Variants in ADGRL3 observed in about 807,000 individuals in gnomAD.
ADGRL3 encodes calcium-independent alpha-latrotoxin receptor 3.
Under a neutral mutation model 153.5 loss-of-function variants are expected in ADGRL3, and 62 were observed. That is an observed-to-expected ratio of 0.40 (90% CI 0.33 to 0.50). ADGRL3 has a LOEUF of 0.50. Ranked by LOEUF, ADGRL3 falls within the 20% of genes least tolerant of loss-of-function variation. The pLI is 0.47. For synonymous variants in ADGRL3, 710 were observed against 672.5 expected (o/e 1.06, Z -0.86); for missense variants, 1,641 against 1,859.4 (o/e 0.88, Z 2.16).
In ADGRL3 at chr4:62,077,259, A is replaced by G. The variant is rs1747441577; in HGVS notation, c.*6351A>G. 1 of 151,974 alleles carries G rather than the reference A, an allele frequency of 6.6e-6. No individual in the cohort carries two copies. The highest frequency in any genetic ancestry group is 2.1e-4 in the South Asian group (1 of 4,834). 9.4% of individuals were successfully genotyped at this position (151,974 alleles called of 1,614,324 possible). On this transcript the variant is annotated 3_prime_UTR_variant, in exon 27 of 27. Coordinates refer to ENST00000683033, the MANE Select transcript of ADGRL3 (RefSeq NM_001387552.1). ...ATTCAGATTGAATAATTTTTAAATG[A>G]TGATGCTCCACTCTTTGATCTACAG...
At chr4:61,289,673 T>G (rs894538045) in intron 1 of ADGRL3, among the ~76,000 whole-genome samples, 4 of 152,048 alleles carry the variant, frequency 2.6e-5, no homozygotes, top group Admixed American at 6.6e-5. Flanking sequence ...TGGATATTGA[T>G]GTACCAAGGA....
chr4:61,748,217 T>A (rs376298845), intron 8 of ADGRL3, among the ~76,000 whole-genome samples: 1 of 151,784 alleles, frequency 6.6e-6, no homozygotes, highest in Admixed American at 6.6e-5. Context: ...GAGAATACAA[T>A]CAAATGGAAG....
Position 62,074,982 on chromosome 4 carries a change from G to A in ADGRL3, c.*4074G>A, listed in dbSNP as rs1746693081. On this transcript the variant is annotated 3_prime_UTR_variant, in exon 27 of 27. Coordinates refer to ENST00000683033, the MANE Select transcript of ADGRL3 (RefSeq NM_001387552.1). ...ACACATGTTGAAATGTTATTGACTA[G>A]CTTGCTTTTTTTAAGGAATGACATT... is the stretch of plus-strand genomic sequence containing the variant. 6.6e-6 allele frequency: 1 copy of A among 152,030 alleles called. No homozygotes were observed. Among genetic ancestry groups the A allele is most frequent in the South Asian group, 2.1e-4 (1 of 4,824 alleles). The allele number at this position is 152,030 out of a possible 1,614,324, so 9.4% of individuals were successfully genotyped here.
rs187417766 is a variant in ADGRL3, at chr4:61,584,693, C to A, written c.260-2534C>A. Among the ~76,000 whole-genome samples, 108 of 151,900 alleles carry A rather than the reference C, an allele frequency of 7.1e-4. 1 individual carries two copies. Among genetic ancestry groups the A allele is most frequent in the East Asian group, 6.4e-3 (33 of 5,144 alleles). On this transcript the variant is annotated intron_variant, in intron 4 of 26. Coordinates refer to ENST00000683033, the MANE Select transcript of ADGRL3 (RefSeq NM_001387552.1). Reference sequence around the variant, plus strand: ...TAAAATGGTTATAAAAGTTAAGAAACAATTTGTCTCTTGATAAATGTATAA... The same window carrying A: ...TAAAATGGTTATAAAAGTTAAGAAAAAATTTGTCTCTTGATAAATGTATAA...
chr4:61,501,219 G>A (rs941729807), intron 3 of ADGRL3, among the ~76,000 whole-genome samples: 1 of 152,116 alleles, frequency 6.6e-6, no homozygotes, highest in Non-Finnish European at 1.5e-5. Context: ...ACTAAAGACA[G>A]GACAGTGAAC....
chr4:61,217,220 G>A (rs562461035), intron 1 of ADGRL3, among the ~76,000 whole-genome samples: 60 of 152,280 alleles, frequency 3.9e-4, no homozygotes, highest in African/African-American at 1.3e-3. Context: ...ATTGTGGTAA[G>A]TGCTACAGAA....
Position 61,571,473 on chromosome 4 carries a change from A to G in ADGRL3, c.260-15754A>G, listed in dbSNP as rs564818999. On this transcript the variant is annotated intron_variant, in intron 4 of 26. Coordinates refer to ENST00000683033, the MANE Select transcript of ADGRL3 (RefSeq NM_001387552.1). ...GGCTGCAGTGAGCTATGATTGCACC[A>G]TGGCACTCCAGCCTGGGTGACAGAG... Among the ~76,000 whole-genome samples the G allele has an allele frequency of 3.2e-4, 48 of 152,218 alleles. No individual in the cohort carries two copies. The South Asian group carries it at 9.5e-3, about 30-fold the overall frequency.
intron 1 of ADGRL3, among the ~76,000 whole-genome samples, chr4:61,362,388 A>T (rs956025424): frequency 6.6e-6 from 1 of 151,692 alleles, no homozygotes; most frequent in African/African-American, 2.4e-5. Flanking sequence ...AATGACTCAG[A>T]TGTTAGGAGC....
chr4:62,054,487 T>C (rs757976010), intron 25 of ADGRL3, among the ~76,000 whole-genome samples: 2 of 151,710 alleles, frequency 1.3e-5, no homozygotes, highest in Non-Finnish European at 3.0e-5. Context: ...CTAATGACAG[T>C]AGTTTTCTCA....
At chr4:61,955,106 G>T (rs956200629) in intron 17 of ADGRL3, among the ~76,000 whole-genome samples, 1 of 152,124 alleles carries the variant, frequency 6.6e-6, no homozygotes, top group Non-Finnish European at 1.5e-5. Flanking sequence ...GGGATAGTGG[G>T]TTAGCGTAGG....
At position 61,895,854 on chromosome 4, in the gene ADGRL3, A is replaced by C; in HGVS notation, c.1887+20A>C. 1 of 1,411,488 alleles carries C rather than the reference A, an allele frequency of 7.1e-7. No homozygotes were observed. 87.4% of individuals were successfully genotyped at this position (1,411,488 alleles called of 1,614,324 possible). A position where few individuals can be genotyped will look rare whatever the true frequency, so the allele number is the denominator to read the frequency against. On this transcript the variant is annotated intron_variant, in intron 11 of 26. Transcript: ENST00000683033. Reference sequence around the variant, plus strand: ...CAGAAGGTAAATCTTGTGACTGACAAGAAAGTCTTTGCTAAAACTATATCA... The same window carrying C: ...CAGAAGGTAAATCTTGTGACTGACACGAAAGTCTTTGCTAAAACTATATCA...
At chr4:61,849,450 T>G (rs1343850825) in intron 9 of ADGRL3, among the ~76,000 whole-genome samples, 2 of 152,106 alleles carry the variant, frequency 1.3e-5, no homozygotes, top group East Asian at 3.9e-4. Flanking sequence ...AATATGTGTT[T>G]TCTGCATTGT....
intron 8 of ADGRL3, among the ~76,000 whole-genome samples, chr4:61,754,789 G>A (rs746313262): frequency 1.1e-4 from 17 of 151,618 alleles, no homozygotes; most frequent in Non-Finnish European, 2.2e-4. Flanking sequence ...ACCAAAATAG[G>A]CCCAGGTGTG....
chr4:61,417,580 A>C (rs1327435729), intron 2 of ADGRL3, among the ~76,000 whole-genome samples: 1 of 150,904 alleles, frequency 6.6e-6, no homozygotes, highest in African/African-American at 2.4e-5. Context: ...GTTTCGAAAA[A>C]AAAAAAAGTC....
chr4:61,549,832 A>T (rs886217418), intron 4 of ADGRL3, among the ~76,000 whole-genome samples: 11 of 152,004 alleles, frequency 7.2e-5, no homozygotes, highest in African/African-American at 2.7e-4. Flanking sequence ...GAATCCGATG[A>T]TTAATAATGT....
At chr4:61,964,496 G>A (rs2098999016) in intron 17 of ADGRL3, among the ~76,000 whole-genome samples, 1 of 152,038 alleles carries the variant, frequency 6.6e-6, no homozygotes, top group Admixed American at 6.6e-5. Context: ...CTTGGGTTTA[G>A]AAGTGACAGA....
At chr4:61,928,813 A>G (rs1047728451) in intron 13 of ADGRL3, among the ~76,000 whole-genome samples, 1 of 152,102 alleles carries the variant, frequency 6.6e-6, no homozygotes, top group Non-Finnish European at 1.5e-5. Context: ...GCAAAAATTA[A>G]AGAAATAAAA....
At chr4:61,235,120 C>T (rs905931482) in intron 1 of ADGRL3, among the ~76,000 whole-genome samples, 2 of 152,078 alleles carry the variant, frequency 1.3e-5, no homozygotes, top group African/African-American at 2.4e-5. Context: ...GAGAAACGAC[C>T]TCTTTGTTTG....
At chr4:61,370,444 G>A (rs1317576063) in intron 1 of ADGRL3, among the ~76,000 whole-genome samples, 1 of 151,530 alleles carries the variant, frequency 6.6e-6, no homozygotes, top group Non-Finnish European at 1.5e-5. Context: ...TGTTCTCGTT[G>A]GTTTGAAAGA....
Sources: allele counts gnomAD v4.1 joint callset (sites outside exome capture counted in the v4.1 genomes callset), GRCh38; gene constraint gnomAD v4.1.1; transcripts MANE v1.5; gene names NCBI Gene and HGNC (gene_info 2026-07-23, HGNC 2026-07-21).